Variants in ANGPT4 observed in about 807,000 individuals in gnomAD.
ANGPT4 encodes angiopoietin 4.
A neutral mutation model predicts 53.0 loss-of-function variants in ANGPT4; 50 were observed. The ratio of observed to expected loss-of-function variants is 0.94; its 90% CI spans 0.75 to 1.20. ANGPT4 has a LOEUF of 1.20. Ranked by LOEUF, ANGPT4 falls within the 50% of genes most tolerant of loss-of-function variation. The pLI is 0.00. For missense variants in ANGPT4, 648 were observed against 637.1 expected (o/e 1.02, Z -0.18); for synonymous variants, 251 against 259.7 (o/e 0.97, Z 0.32).
intron 1 of ANGPT4, among the ~76,000 whole-genome samples, chr20:906,016 C>A (rs550499642): frequency 2.6e-5 from 4 of 152,304 alleles, no homozygotes; most frequent in Admixed American, 1.3e-4. Flanking sequence ...CTTAGCCACT[C>A]GGTGGGCTGC....
chr20:910,776 TG>T (rs1270466872), intron 1 of ANGPT4, among the ~76,000 whole-genome samples: 1 of 152,138 alleles, frequency 6.6e-6, no homozygotes, highest in Non-Finnish European at 1.5e-5. Flanking sequence ...CCCGTCCTTT[TG>T]GGGGAAGTCG....
rs927870041 is a variant in ANGPT4 at position 914,444 on chromosome 20, C to T, written c.309+1462G>A. 5.3e-5 allele frequency among the ~76,000 whole-genome samples: 8 copies of T among 151,862 alleles called. No homozygotes were observed. The highest frequency in any genetic ancestry group is 3.3e-4 in the Admixed American group (5 of 15,240). ...GGGAGTAAGGGTTCTTGCTTTTATT[C>T]GGATGCATGGTTAGCCCTGGGAGGA... On this transcript the variant is annotated intron_variant, in intron 1 of 8. Transcript: ENST00000381922. The surrounding 1 kb of genome is among the most constrained non-coding windows in gnomAD (Gnocchi z 5.0).
chr20:874,313 A>G lies in ANGPT4; in HGVS notation c.1322T>C (p.Leu441Pro). 6.2e-7 allele frequency: 1 copy of G among 1,614,228 alleles called. No individual in the cohort carries two copies. Among genetic ancestry groups the G allele is most frequent in the Non-Finnish European group, 8.5e-7 (1 of 1,180,028 alleles). ...AGACATCACTTGGGCACACTTGCAG[A>G]GACAGTGGTCGTTGTCTGAGTCAAG... ...STLDSDNDHC[L>P]CKCAQVMSGG... The change falls in exon 8 of 9, where the codon CTC (leucine) becomes CCC (proline). Residue 441 changes from leucine to proline, a missense_variant. By Grantham distance (98) the Leu-to-Pro change is moderately conservative. Coordinates refer to ENST00000381922, the MANE Select transcript of ANGPT4 (RefSeq NM_015985.4).
At chr20:873,357 T>C (rs1568818699) in intron 8 of ANGPT4, among the ~76,000 whole-genome samples, 1 of 152,054 alleles carries the variant, frequency 6.6e-6, no homozygotes. Flanking sequence ...CGAGCCCCCT[T>C]GCTCCTCCCG....
At chr20:875,341 AC>A (rs964672706) in intron 7 of ANGPT4, among the ~76,000 whole-genome samples, 11 of 152,044 alleles carry the variant, frequency 7.2e-5, no homozygotes, top group African/African-American at 2.7e-4. Context: ...CCCTGACTAC[AC>A]CAGCCCCCAT....
At chr20:910,948 C>G (rs1269102463) in intron 1 of ANGPT4, among the ~76,000 whole-genome samples, 1 of 152,084 alleles carries the variant, frequency 6.6e-6, no homozygotes, top group Admixed American at 6.5e-5. Context: ...TGCTGTTTCC[C>G]CCATCCCCCA....
intron 6 of ANGPT4, 62 bp downstream of exon 6, chr20:879,685 C>A: frequency 1.4e-6 from 2 of 1,455,932 alleles, no homozygotes; most frequent in Non-Finnish European, 9.5e-7. Flanking sequence ...CCCCTTCCAA[C>A]AGCCCAGCCC....
At chr20:909,687 C>A (rs192953225) in intron 1 of ANGPT4, among the ~76,000 whole-genome samples, 1 of 152,130 alleles carries the variant, frequency 6.6e-6, no homozygotes, top group Non-Finnish European at 1.5e-5. Flanking sequence ...ATAAGGAAAC[C>A]GAGTCACAGA....
chr20:903,230 A>G (rs748279663), intron 1 of ANGPT4, among the ~76,000 whole-genome samples: 3 of 152,162 alleles, frequency 2.0e-5, no homozygotes, highest in Non-Finnish European at 4.4e-5. Flanking sequence ...CCAAAGCACC[A>G]AGGTTTCTGT....
chr20:914,344 G>A lies in ANGPT4; in HGVS notation c.309+1562C>T, dbSNP rs572103965. Reference sequence around the variant, plus strand: ...ATTTCGTACGGGGAGGACAAGGAGGGCCTCTGGGGAGATGGCGCTGGAGAG... The same window carrying A: ...ATTTCGTACGGGGAGGACAAGGAGGACCTCTGGGGAGATGGCGCTGGAGAG... On this transcript the variant is annotated intron_variant, in intron 1 of 8. Transcript: ENST00000381922. The surrounding 1 kb of genome is among the most constrained non-coding windows in gnomAD (Gnocchi z 5.0). Among the ~76,000 whole-genome samples the A allele has an allele frequency of 1.1e-4, 16 of 152,280 alleles. No individual in the cohort carries two copies. Among genetic ancestry groups the A allele is most frequent in the South Asian group, 1.0e-3 (5 of 4,824 alleles).
At chr20:890,389 G>A in intron 1 of ANGPT4, 21 bp from the exon 2 acceptor site, 2 of 1,599,344 alleles carry the variant, frequency 1.3e-6, no homozygotes, top group Non-Finnish European at 1.7e-6. Flanking sequence ...CCATGGGCTG[G>A]GGTCACGGGG....
intron 7 of ANGPT4, 52 bp from the exon 8 acceptor site, chr20:874,466 G>A: frequency 6.2e-7 from 1 of 1,602,790 alleles, no homozygotes. Context: ...GTCAGGTTGG[G>A]GCTGTGTCGA....
Position 916,083 on chromosome 20 carries a change from G to T in ANGPT4, c.132C>A (p.Ser44Arg), listed in dbSNP as rs778863210. The T allele has an allele frequency of 1.9e-6, 3 of 1,614,196 alleles. No individual in the cohort carries two copies. In the Admixed American group the frequency reaches 5.0e-5, roughly 27 times the overall value. ...CAGACTTGGGCAGCAAGAAGGTGTA[G>T]CTACAGTGGCCGTGCTGGACTACAA... ...ETLVVQHGHC[S>R]YTFLLPKSEP... The change falls in exon 1 of 9, where the codon AGC becomes AGA. Residue 44 changes from serine to arginine, a missense_variant. By Grantham distance (110) the Ser-to-Arg change is moderately radical. Transcript: ENST00000381922.
At chr20:905,414 C>G (rs1982443313) in intron 1 of ANGPT4, among the ~76,000 whole-genome samples, 1 of 152,056 alleles carries the variant, frequency 6.6e-6, no homozygotes, top group African/African-American at 2.4e-5. Context: ...CACGAGATTT[C>G]CACTGAATAG....
chr20:903,791 G>C (rs1329551112), intron 1 of ANGPT4, among the ~76,000 whole-genome samples: 1 of 152,184 alleles, frequency 6.6e-6, no homozygotes, highest in Non-Finnish European at 1.5e-5. Flanking sequence ...TTTGAGCCCG[G>C]CCTGACGGTA....
intron 1 of ANGPT4, among the ~76,000 whole-genome samples, chr20:903,769 A>G (rs1982373799): frequency 6.6e-6 from 1 of 152,188 alleles, no homozygotes. Flanking sequence ...GGGGTGGTGC[A>G]GGGTGTGGAG....
At chr20:883,331 G>GT (rs1981483267) in intron 4 of ANGPT4, among the ~76,000 whole-genome samples, 2 of 152,366 alleles carry the variant, frequency 1.3e-5, no homozygotes, top group South Asian at 4.1e-4. Flanking sequence ...TCATGCACAA[G>GT]TTTGGTCTTT....
chr20:880,685 G>GTCA (rs1246319378), intron 5 of ANGPT4, among the ~76,000 whole-genome samples: 11 of 152,158 alleles, frequency 7.2e-5, no homozygotes, highest in African/African-American at 2.7e-4. Flanking sequence ...GCTCTTCTCT[G>GTCA]TCACCCTTCT....
chr20:888,498 AACCACCCACC>A lies in ANGPT4; in HGVS notation c.466-69_466-60del, dbSNP rs1981706357. 9.6e-6 allele frequency: 15 copies of A among 1,556,198 alleles called. 1 individual carries two copies. In the East Asian group the frequency reaches 3.5e-4, roughly 36 times the overall value. ...CGTAAGCGCTACAGGAGCCCTGCCC[AACCACCCACC>A]TGCCCACAGGCCCTGCCACTCCAGA... On this transcript the variant is annotated intron_variant, in intron 2 of 8. Transcript: ENST00000381922.
Sources: gnomAD v4.1 joint callset for allele counts (sites outside exome capture counted in the v4.1 genomes callset) on GRCh38, gnomAD v4.1.1 for gene constraint, Gnocchi (gnomAD v3.1) non-coding constraint, MANE v1.5 for transcripts, NCBI Gene and HGNC (gene_info 2026-07-23, HGNC 2026-07-21) for gene names.